Variants in LRCH2 observed in about 807,000 individuals in gnomAD.
LRCH2 encodes leucine rich repeats and calponin homology domain containing 2.
Under a neutral mutation model 68.9 loss-of-function variants are expected in LRCH2, and 38 were observed. That is an observed-to-expected ratio of 0.55 (90% CI 0.43 to 0.72). The LOEUF is 0.72. Among genes scored for constraint, LRCH2 ranks in the 30% least tolerant of loss-of-function variants. The pLI is 0.00. For synonymous variants in LRCH2, 191 were observed against 208.1 expected, an observed-to-expected ratio of 0.92 and a Z score of 0.71; for missense variants, 528 against 572.9, an observed-to-expected ratio of 0.92 and a Z score of 0.80.
intron 14 of LRCH2, among the ~76,000 whole-genome samples, chrX:115,148,647 G>A (rs1306429648): frequency 2.7e-5 from 3 of 111,940 alleles, no homozygotes; most frequent in East Asian, 2.8e-4. Flanking sequence ...TTAAAATAAT[G>A]CTGGAATGTA....
At chrX:115,227,992 T>C (rs2073130022) in intron 1 of LRCH2, among the ~76,000 whole-genome samples, 1 of 112,197 alleles carries the variant, frequency 8.9e-6, no homozygotes, top group Admixed American at 9.5e-5. Context: ...AAGAATTTGA[T>C]ATAAAAAATA....
chrX:115,161,591 T>G (rs2147384125), intron 11 of LRCH2, among the ~76,000 whole-genome samples: 1 of 111,573 alleles, frequency 9.0e-6, no homozygotes, highest in Admixed American at 9.5e-5. Context: ...CATATAATTT[T>G]TTAACTAATT....
At chrX:115,203,756 C>G (rs186651444) in intron 1 of LRCH2, among the ~76,000 whole-genome samples, 1 of 112,679 alleles carries the variant, frequency 8.9e-6, no homozygotes, top group Non-Finnish European at 1.9e-5. Context: ...ACCCTTGTGG[C>G]TCTTCAGGGT....
At chrX:115,143,604 G>A (rs1053758015) in intron 14 of LRCH2, among the ~76,000 whole-genome samples, 1 of 111,470 alleles carries the variant, frequency 9.0e-6, no homozygotes, top group African/African-American at 3.3e-5. Context: ...AATTGAAGAG[G>A]AGGGAATACT....
chrX:115,120,899 T>C (rs1458591262), intron 20 of LRCH2, among the ~76,000 whole-genome samples: 3 of 106,730 alleles, frequency 2.8e-5, no homozygotes, highest in Non-Finnish European at 5.8e-5. Flanking sequence ...GAAATCATCA[T>C]TCTCAGTAAA....
At chrX:115,211,797 A>G (rs1451209564) in intron 1 of LRCH2, among the ~76,000 whole-genome samples, 3 of 110,857 alleles carry the variant, frequency 2.7e-5, no homozygotes, top group African/African-American at 6.5e-5. Context: ...AGGAGGCAGA[A>G]TGTAAATCTT....
At chrX:115,133,509 A>G (rs1490952269) in intron 14 of LRCH2, among the ~76,000 whole-genome samples, 1 of 112,218 alleles carries the variant, frequency 8.9e-6, no homozygotes, top group African/African-American at 3.2e-5. Flanking sequence ...ATGTGCAGAA[A>G]AAGTTTGTGG....
chrX:115,162,689 A>G (rs1342519687), intron 11 of LRCH2, among the ~76,000 whole-genome samples: 2 of 111,752 alleles, frequency 1.8e-5, no homozygotes, highest in African/African-American at 6.5e-5. Flanking sequence ...TAGAAACCAT[A>G]TATTTGTCAT....
chrX:115,197,847 T>TCA (rs1556564243), intron 1 of LRCH2, among the ~76,000 whole-genome samples: 904 of 20,545 alleles, frequency 0.044, 94 homozygotes, highest in African/African-American at 0.16. Flanking sequence ...TCTCTCTCTC[T>TCA]CACACACACA....
intron 3 of LRCH2, among the ~76,000 whole-genome samples, chrX:115,182,072 T>C (rs111803952): frequency 0.053 from 5,919 of 111,666 alleles, 398 homozygotes; most frequent in African/African-American, 0.18. Context: ...TTAGGTTATA[T>C]GTAAATATTA....
chrX:115,234,052 G>A lies in LRCH2; in HGVS notation c.-11C>T, dbSNP rs782202667. 1.3e-5 allele frequency: 15 copies of A among 1,160,441 alleles called. No individual in the cohort carries two copies. Among genetic ancestry groups the A allele is most frequent in the Admixed American group, 7.9e-5 (3 of 37,901 alleles). On this transcript the variant is annotated 5_prime_UTR_variant, in exon 1 of 21. Transcript: ENST00000317135. ...CTGACTCGCCGCCATGTTCCTGGGA[G>A]AGAGAATAGCCCCCGACAATACTGT... is the stretch of plus-strand genomic sequence containing the variant.
At chrX:115,190,780 C>A (rs782438431) in intron 1 of LRCH2, 1 of 1,165,928 alleles carries the variant, frequency 8.6e-7, no homozygotes, top group South Asian at 1.9e-5. Flanking sequence ...CAGCAGGGGC[C>A]GGTCCGACGA....
chrX:115,224,769 T>G (rs1020661616), intron 1 of LRCH2, among the ~76,000 whole-genome samples: 2 of 110,481 alleles, frequency 1.8e-5, no homozygotes, highest in Non-Finnish European at 3.8e-5. Flanking sequence ...ACAATTTCAC[T>G]GAAAAATCAC....
At chrX:115,223,870 G>T (rs2073101462) in intron 1 of LRCH2, among the ~76,000 whole-genome samples, 1 of 108,759 alleles carries the variant, frequency 9.2e-6, no homozygotes, top group Non-Finnish European at 1.9e-5. Flanking sequence ...AGGTTGCAGT[G>T]AGCCGAGATT....
At chrX:115,118,876 A>G (rs1257090208) in intron 20 of LRCH2, among the ~76,000 whole-genome samples, 1 of 111,225 alleles carries the variant, frequency 9.0e-6, no homozygotes, top group African/African-American at 3.3e-5. Flanking sequence ...ACGCAAATCA[A>G]TAAATGTAAT....
chrX:115,218,658 A>G (rs141547030), intron 1 of LRCH2, among the ~76,000 whole-genome samples: 280 of 112,300 alleles, frequency 2.5e-3, no homozygotes, highest in African/African-American at 8.3e-3. Flanking sequence ...GCTCTGTTTC[A>G]TCGCTTTCTG....
At chrX:115,145,991 T>G (rs2072379174) in intron 14 of LRCH2, among the ~76,000 whole-genome samples, 1 of 112,247 alleles carries the variant, frequency 8.9e-6, no homozygotes, top group Non-Finnish European at 1.9e-5. Flanking sequence ...TGCACTTCCA[T>G]ATTTATTGCA....
chrX:115,159,599 C>A (rs6644193), intron 11 of LRCH2, among the ~76,000 whole-genome samples: 7,951 of 108,650 alleles, frequency 0.073, 294 homozygotes, highest in Non-Finnish European at 0.1. Flanking sequence ...AAAATACAAA[C>A]AATTAGTCGG....
rs1556555302 is a variant in LRCH2 at position 115,188,272 on chromosome X, G to C, written c.448C>G (p.Pro150Ala). 8.5e-7 allele frequency: 1 copy of C among 1,183,296 alleles called. No individual in the cohort carries two copies. Among genetic ancestry groups the C allele is most frequent in the Non-Finnish European group, 1.1e-6 (1 of 878,279 alleles). ...ATCTGCAGATTTTTAATGGCTTCAG[G>C]AATGGTTTTGATGCAATTATGATAT... is the stretch of plus-strand genomic sequence containing the variant. ...NLYHNCIKTI[P>A]EAIKNLQMLT... The change falls in exon 2 of 21, where the codon CCT becomes GCT. Residue 150 changes from proline to alanine, a missense_variant. Transcript: ENST00000317135.
Sources: allele counts gnomAD v4.1 joint callset (sites outside exome capture counted in the v4.1 genomes callset), GRCh38; gene constraint gnomAD v4.1.1; transcripts MANE v1.5; gene names NCBI Gene and HGNC (gene_info 2026-07-23, HGNC 2026-07-21).